Variants in KIRREL3 observed in about 807,000 individuals in gnomAD.
The protein encoded by KIRREL3 is kirre like nephrin family adhesion molecule 3.
KIRREL3 carries 36 observed loss-of-function variants against 89.7 expected under a neutral mutation model. That is an observed-to-expected ratio of 0.40 (90% confidence interval 0.31 to 0.53). The LOEUF (loss-of-function observed/expected upper bound fraction) is 0.53, where lower values mean the gene tolerates loss of function less well. KIRREL3 is among the 20% of genes least tolerant of loss of function. KIRREL3 has a pLI of 0.49. For synonymous variants in KIRREL3, 445 were observed against 441.4 expected (o/e 1.01, Z -0.10); for missense variants, 864 against 1,056.6 (o/e 0.82, Z 2.53).
intron 1 of KIRREL3, among the ~76,000 whole-genome samples, chr11:126,654,582 G>A (rs1945048863): frequency 6.6e-6 from 1 of 152,062 alleles, no homozygotes; most frequent in African/African-American, 2.4e-5. Flanking sequence ...TCAGATAGAT[G>A]TCCTTCCCTC....
At chr11:126,592,220 C>G (rs1007745993) in intron 1 of KIRREL3, among the ~76,000 whole-genome samples, 2 of 152,152 alleles carry the variant, frequency 1.3e-5, no homozygotes, top group Non-Finnish European at 2.9e-5. Flanking sequence ...ATAACAACAC[C>G]ATAACTTAAT....
At chr11:126,732,110 C>T (rs745970542) in intron 1 of KIRREL3, among the ~76,000 whole-genome samples, 2 of 152,136 alleles carry the variant, frequency 1.3e-5, no homozygotes, top group Admixed American at 1.3e-4. Context: ...TGCTGCCCTG[C>T]CTGGGGTCTT....
At chr11:126,852,743 G>A (rs1944384183) in intron 1 of KIRREL3, among the ~76,000 whole-genome samples, 1 of 152,198 alleles carries the variant, frequency 6.6e-6, no homozygotes, top group Admixed American at 6.5e-5. Context: ...AGGAGAAACT[G>A]AGGCATGGGG....
At chr11:126,700,964 T>A (rs1011237432) in intron 1 of KIRREL3, among the ~76,000 whole-genome samples, 62 of 152,228 alleles carry the variant, frequency 4.1e-4, no homozygotes, top group Admixed American at 3.7e-3. Flanking sequence ...GGCTTCCAGA[T>A]TTATTTCATT....
At position 126,476,663 on chromosome 11, in the gene KIRREL3, C is replaced by A. The variant is rs561752653; in HGVS notation, c.434-3197G>T. Among the ~76,000 whole-genome samples the A allele has an allele frequency of 3.8e-4, 1 of 2,640 alleles. No homozygotes were observed. The highest frequency in any genetic ancestry group is 5.4e-3 in the Admixed American group (1 of 186). 1.7% of individuals were successfully genotyped at this position (2,640 alleles called of 152,430 possible). A position where few individuals can be genotyped will look rare whatever the true frequency, so the allele number is the denominator to read the frequency against. On this transcript the variant is annotated intron_variant, in intron 4 of 16. Transcript: ENST00000525144. The surrounding 1 kb of genome is among the most constrained non-coding windows in gnomAD (Gnocchi z 6.4). ...ACTGCACACCAGATGGGGGTGGGGG[C>A]TGGGGGGGGGTGGGGGTTGGTGAGG...
chr11:126,532,519 G>A (rs1188509308), intron 2 of KIRREL3, among the ~76,000 whole-genome samples: 2 of 152,070 alleles, frequency 1.3e-5, no homozygotes, highest in Non-Finnish European at 2.9e-5. Flanking sequence ...GAGATTACAG[G>A]CACCTGCCAC....
intron 13 of KIRREL3, among the ~76,000 whole-genome samples, chr11:126,434,654 G>C (rs1955251220): frequency 1.3e-5 from 2 of 152,206 alleles, no homozygotes; most frequent in African/African-American, 4.8e-5. Flanking sequence ...TTCTGCTCGG[G>C]GTGGGGTTGA....
rs894637759 is a variant in KIRREL3 at position 126,999,167 on chromosome 11, T to C, written c.55+1288A>G. Among the ~76,000 whole-genome samples the C allele has an allele frequency of 1.3e-5, 2 of 151,930 alleles. No individual in the cohort carries two copies. Among genetic ancestry groups the C allele is most frequent in the Admixed American group, 1.3e-4 (2 of 15,270 alleles). ...ATACATGAGTGTGTGTGTGTGTGTG[T>C]GTGTACATACATTATCATTATACAC... On this transcript the variant is annotated intron_variant, in intron 1 of 16. Transcript: ENST00000525144. This position sits in a 1 kb window ranked among gnomAD's most constrained non-coding sequence, Gnocchi z 5.7.
rs1192552929 is a variant in KIRREL3, at chr11:126,997,889, G to A, written c.55+2566C>T. Among the ~76,000 whole-genome samples, 1 of 152,134 alleles carries A rather than the reference G, an allele frequency of 6.6e-6. No homozygotes were observed. Among genetic ancestry groups the A allele is most frequent in the African/African-American group, 2.4e-5 (1 of 41,428 alleles). On this transcript the variant is annotated intron_variant, in intron 1 of 16. Transcript: ENST00000525144. This position sits in a 1 kb window ranked among gnomAD's most constrained non-coding sequence, Gnocchi z 4.3. ...GCACTAAAAACAACCCTGGACATTT[G>A]TTGTCTCTGAGGGAAAGGCCATCCC... is the stretch of plus-strand genomic sequence containing the variant.
rs1038086546 is a variant in KIRREL3 at position 126,747,990 on chromosome 11, C to T, written c.56-185078G>A. On this transcript the variant is annotated intron_variant, in intron 1 of 16. Coordinates refer to ENST00000525144, the MANE Select transcript of KIRREL3 (RefSeq NM_032531.4). This position sits in a 1 kb window ranked among gnomAD's most constrained non-coding sequence, Gnocchi z 4.7. Reference sequence around the variant, plus strand: ...ACTCTTTCTCAGTCTCCATCTGACCCGTGCCTAGCATCGTGGCCCCTGTAA... The same window carrying T: ...ACTCTTTCTCAGTCTCCATCTGACCTGTGCCTAGCATCGTGGCCCCTGTAA... Among the ~76,000 whole-genome samples the T allele has an allele frequency of 1.3e-5, 2 of 152,168 alleles. No individual in the cohort carries two copies. The highest frequency in any genetic ancestry group is 2.1e-4 in the South Asian group (1 of 4,824).
chr11:126,938,962 G>A (rs1177692551), intron 1 of KIRREL3, among the ~76,000 whole-genome samples: 1 of 152,110 alleles, frequency 6.6e-6, no homozygotes. Context: ...CTAGGTAGAG[G>A]GTAAAGATCA....
intron 1 of KIRREL3, among the ~76,000 whole-genome samples, chr11:126,781,148 T>A (rs1324770041): frequency 6.6e-6 from 1 of 152,196 alleles, no homozygotes; most frequent in African/African-American, 2.4e-5. Flanking sequence ...TTAGTCTATG[T>A]CTGCAAGACT....
Position 126,575,357 on chromosome 11 carries a change from G to A in KIRREL3, c.56-12445C>T, listed in dbSNP as rs902839981. Among the ~76,000 whole-genome samples, 2 of 152,192 alleles carry A rather than the reference G, an allele frequency of 1.3e-5. No homozygotes were observed. Among genetic ancestry groups the A allele is most frequent in the South Asian group, 4.2e-4 (2 of 4,810 alleles). On this transcript the variant is annotated intron_variant, in intron 1 of 16. Transcript: ENST00000525144. The surrounding 1 kb of genome is among the most constrained non-coding windows in gnomAD (Gnocchi z 7.0). ...GTGTCACAACCACCTCTTAGCTCTT[G>A]ATCAGAGATATCCACCTTCAGTCTC...
intron 1 of KIRREL3, among the ~76,000 whole-genome samples, chr11:126,567,249 C>A (rs1940585652): frequency 6.6e-6 from 1 of 152,182 alleles, no homozygotes; most frequent in Non-Finnish European, 1.5e-5. Context: ...GGACCTTTAT[C>A]CTGTGACTGG....
chr11:126,493,586 C>A (rs1236450282), intron 4 of KIRREL3, among the ~76,000 whole-genome samples: 1 of 136,410 alleles, frequency 7.3e-6, no homozygotes, highest in East Asian at 2.3e-4. Flanking sequence ...ACCCAGGAGG[C>A]GGAGCTTGCA....
rs1948528270 is a variant in KIRREL3 at position 126,729,539 on chromosome 11, A to C, written c.56-166627T>G. ...GCAGCCTCAGGGAGTGATTACCTGC[A>C]ATATGCCAGGGTACTGTCCCTGTAA... On this transcript the variant is annotated intron_variant, in intron 1 of 16. Coordinates refer to ENST00000525144, the MANE Select transcript of KIRREL3 (RefSeq NM_032531.4). This position sits in a 1 kb window ranked among gnomAD's most constrained non-coding sequence, Gnocchi z 4.5. Among the ~76,000 whole-genome samples, 1 of 152,200 alleles carries C rather than the reference A, an allele frequency of 6.6e-6. No individual in the cohort carries two copies. Among genetic ancestry groups the C allele is most frequent in the South Asian group, 2.1e-4 (1 of 4,818 alleles).
chr11:126,821,398 C>A (rs1451136249), intron 1 of KIRREL3, among the ~76,000 whole-genome samples: 2 of 144,618 alleles, frequency 1.4e-5, no homozygotes, highest in Non-Finnish European at 3.0e-5. Flanking sequence ...GCTTACCTGG[C>A]CATTTTTGGA....
At chr11:127,001,321 G>GT (rs1296501813), upstream of KIRREL3, among the ~76,000 whole-genome samples, 3 of 136,512 alleles carry the variant, frequency 2.2e-5, no homozygotes, top group Non-Finnish European at 3.2e-5. Flanking sequence ...TGGTGGGGGG[G>GT]GGGGGTAGGT....
rs1167758702 is a variant in KIRREL3 at position 126,807,867 on chromosome 11, C to T, written c.55+192588G>A. Among the ~76,000 whole-genome samples, 1 of 152,184 alleles carries T rather than the reference C, an allele frequency of 6.6e-6. No individual in the cohort carries two copies. Among genetic ancestry groups the T allele is most frequent in the Non-Finnish European group, 1.5e-5 (1 of 68,046 alleles). On this transcript the variant is annotated intron_variant, in intron 1 of 16. Coordinates refer to ENST00000525144, the MANE Select transcript of KIRREL3 (RefSeq NM_032531.4). This position sits in a 1 kb window ranked among gnomAD's most constrained non-coding sequence, Gnocchi z 4.3. Reference sequence around the variant, plus strand: ...TACATATATTGTCTCAAATAATAGTCCTCATAGGAAGGTGACGAAAGGAAG... The same window carrying T: ...TACATATATTGTCTCAAATAATAGTTCTCATAGGAAGGTGACGAAAGGAAG...
Sources: allele counts gnomAD v4.1 joint callset (sites outside exome capture counted in the v4.1 genomes callset), GRCh38; gene constraint gnomAD v4.1.1; non-coding constraint Gnocchi (gnomAD v3.1); transcripts MANE v1.5; gene names NCBI Gene and HGNC (gene_info 2026-07-23, HGNC 2026-07-21).